The following MECOM variants were observed in gnomAD, a reference collection of about 807,000 sequenced individuals.
MECOM encodes MDS1 and EVI1 complex locus.
Under a neutral mutation model 116.3 loss-of-function variants are expected in MECOM, and 13 were observed. That is an observed-to-expected ratio of 0.11 (90% confidence interval 0.07 to 0.18). The LOEUF (loss-of-function observed/expected upper bound fraction) is 0.18. Among genes scored for constraint, MECOM ranks in the 10% least tolerant of loss-of-function variants. The probability of loss-of-function intolerance (pLI) is 1.00; values close to 1 mark genes in which losing one functional copy is unlikely to be tolerated. For synonymous variants in MECOM, 528 were observed against 535.2 expected, an observed-to-expected ratio of 0.99 and a Z score of 0.19; for missense variants, 1,299 against 1,509.0, an observed-to-expected ratio of 0.86 and a Z score of 2.31.
chr3:169,232,156 C>A (rs1446498413), intron 2 of MECOM, among the ~76,000 whole-genome samples: 2 of 152,102 alleles, frequency 1.3e-5, no homozygotes, highest in Non-Finnish European at 2.9e-5. Flanking sequence ...GCATTTAGTC[C>A]TATGGTTCTG....
At chr3:169,632,154 C>A (rs1470047037) in intron 1 of MECOM, among the ~76,000 whole-genome samples, 1 of 151,874 alleles carries the variant, frequency 6.6e-6, no homozygotes, top group East Asian at 1.9e-4. Context: ...CTCAGTTATT[C>A]CTTCCTTTCA....
At chr3:169,156,204 T>C (rs911398195) in intron 2 of MECOM, among the ~76,000 whole-genome samples, 3 of 152,162 alleles carry the variant, frequency 2.0e-5, no homozygotes, top group Non-Finnish European at 4.4e-5. Flanking sequence ...TGAGCACCAA[T>C]GTGCTAAATA....
intron 2 of MECOM, among the ~76,000 whole-genome samples, chr3:169,151,449 G>C (rs80234270): frequency 1.4e-3 from 212 of 152,324 alleles, no homozygotes; most frequent in African/African-American, 5.0e-3. Flanking sequence ...TGGGTTTCTT[G>C]AGGTGGCTAA....
intron 1 of MECOM, among the ~76,000 whole-genome samples, chr3:169,551,150 C>T (rs1188982079): frequency 3.9e-5 from 6 of 152,066 alleles, no homozygotes; most frequent in South Asian, 2.1e-4. Flanking sequence ...AGTCATGAAA[C>T]GAGTTGACAA....
Position 169,083,733 on chromosome 3 carries a change from A to G in MECOM, c.*1176T>C, listed in dbSNP as rs527632292. 43 of 207,232 alleles carry G rather than the reference A, an allele frequency of 2.1e-4. No individual in the cohort carries two copies. The highest frequency in any genetic ancestry group is 3.6e-4 in the Non-Finnish European group (37 of 101,384). 12.8% of individuals were successfully genotyped at this position (207,232 alleles called of 1,614,324 possible). On this transcript the variant is annotated 3_prime_UTR_variant, in exon 17 of 17. Transcript: ENST00000651503. Reference sequence around the variant, plus strand: ...TCTCTTTTAACATAAGGTTGGGAACACTTCATTTTACAAATAGGATTAACA... The same window carrying G: ...TCTCTTTTAACATAAGGTTGGGAACGCTTCATTTTACAAATAGGATTAACA...
intron 2 of MECOM, among the ~76,000 whole-genome samples, chr3:169,183,977 G>A (rs1171414637): frequency 1.3e-5 from 2 of 151,478 alleles, no homozygotes; most frequent in Non-Finnish European, 2.9e-5. Context: ...CCATTCTCCT[G>A]CCTCAGCCTC....
At chr3:169,344,856 C>T (rs1459156100) in intron 2 of MECOM, among the ~76,000 whole-genome samples, 1 of 152,136 alleles carries the variant, frequency 6.6e-6, no homozygotes, top group Non-Finnish European at 1.5e-5. Flanking sequence ...ATCCCTTCAC[C>T]TGTATTAAAG....
At chr3:169,159,054 A>C (rs1005379186) in intron 2 of MECOM, among the ~76,000 whole-genome samples, 2 of 152,176 alleles carry the variant, frequency 1.3e-5, no homozygotes, top group African/African-American at 4.8e-5. Context: ...GTAAACTGCC[A>C]TAATGAGGTA....
At chr3:169,589,623 T>TC (rs1378881590) in intron 1 of MECOM, among the ~76,000 whole-genome samples, 1 of 152,112 alleles carries the variant, frequency 6.6e-6, no homozygotes, top group East Asian at 1.9e-4. Context: ...GGCATGCTAT[T>TC]CCCCACTGTC....
intron 2 of MECOM, among the ~76,000 whole-genome samples, chr3:169,324,781 C>G (rs926244373): frequency 2.0e-5 from 3 of 152,148 alleles, no homozygotes; most frequent in Non-Finnish European, 4.4e-5. Flanking sequence ...GGGCTAATGC[C>G]GTTAACGCAG....
intron 1 of MECOM, among the ~76,000 whole-genome samples, chr3:169,424,115 C>T (rs1740234655): frequency 6.6e-6 from 1 of 152,136 alleles, no homozygotes; most frequent in Admixed American, 6.6e-5. Context: ...ATCTTCTCAA[C>T]AGACCTGTAG....
chr3:169,389,076 C>A (rs773187342), intron 1 of MECOM, among the ~76,000 whole-genome samples: 15 of 152,164 alleles, frequency 9.9e-5, no homozygotes, highest in Non-Finnish European at 2.2e-4. Flanking sequence ...TGTCCTGTGG[C>A]TTTTAAATCT....
intron 2 of MECOM, among the ~76,000 whole-genome samples, chr3:169,311,229 G>A (rs972258667): frequency 6.6e-6 from 1 of 151,978 alleles, no homozygotes; most frequent in African/African-American, 2.4e-5. Flanking sequence ...CCTTAGGAAA[G>A]GAAAATATTT....
In MECOM at chr3:169,472,580, GAGGAAAGGAA is replaced by G. The variant is rs779270656; in HGVS notation, c.38-91066_38-91057del. Among the ~76,000 whole-genome samples the G allele has an allele frequency of 2.7e-3, 159 of 59,088 alleles. 5 individuals are homozygous for G. Among genetic ancestry groups the G allele is most frequent in the Middle Eastern group, 0.017 (2 of 118 alleles). The allele number at this position is 59,088 out of a possible 152,430, so 38.8% of individuals were successfully genotyped here. A position where few individuals can be genotyped will look rare whatever the true frequency, so the allele number is the denominator to read the frequency against. On this transcript the variant is annotated intron_variant, in intron 1 of 16. Coordinates refer to ENST00000651503, the MANE Select transcript of MECOM (RefSeq NM_004991.4). ...AAAGAGAGGAGAGGAGAGGAGAGGA[GAGGAAAGGAA>G]AGGAAAGGAAAGGAAAGGAAAGGAA...
chr3:169,182,302 T>G (rs1746073133), intron 2 of MECOM, among the ~76,000 whole-genome samples: 1 of 152,220 alleles, frequency 6.6e-6, no homozygotes, highest in South Asian at 2.1e-4. Flanking sequence ...CTTTGTGGTG[T>G]TCGTTATTTC....
intron 1 of MECOM, among the ~76,000 whole-genome samples, chr3:169,450,971 C>T (rs973696800): frequency 6.6e-6 from 1 of 152,054 alleles, no homozygotes; most frequent in Non-Finnish European, 1.5e-5. Context: ...AACTGTTTTC[C>T]ATTCAATATT....
chr3:169,092,244 T>G (rs12636548), intron 14 of MECOM, among the ~76,000 whole-genome samples: 49,854 of 151,694 alleles, frequency 0.33, 8,462 homozygotes, highest in South Asian at 0.47. Flanking sequence ...AACAAGGATG[T>G]TCATACCCAC....
At chr3:169,608,382 C>T (rs1473610582) in intron 1 of MECOM, among the ~76,000 whole-genome samples, 1 of 152,174 alleles carries the variant, frequency 6.6e-6, no homozygotes, top group Non-Finnish European at 1.5e-5. Flanking sequence ...GGCAGCTGAT[C>T]AGAGTGGCCT....
At chr3:169,106,214 G>A (rs1340160457) in intron 10 of MECOM, among the ~76,000 whole-genome samples, 3 of 152,072 alleles carry the variant, frequency 2.0e-5, no homozygotes, top group Non-Finnish European at 4.4e-5. Context: ...ATGGTCATAT[G>A]GGGGAGAAGT....
Sources: gnomAD v4.1 joint callset for allele counts (sites outside exome capture counted in the v4.1 genomes callset) on GRCh38, gnomAD v4.1.1 for gene constraint, MANE v1.5 for transcripts, NCBI Gene and HGNC (gene_info 2026-07-23, HGNC 2026-07-21) for gene names.